The following RNF212 variants were observed in gnomAD, a reference collection of about 807,000 sequenced individuals.
RNF212 encodes ring finger protein 212, also known as probable E3 SUMO-protein ligase RNF212.
In RNF212, 33 loss-of-function variants were observed where a neutral mutation model predicts 34.7. The observed-to-expected ratio is 0.95, with a 90% CI of 0.72 to 1.27. The LOEUF (loss-of-function observed/expected upper bound fraction) is 1.27, where lower values mean the gene tolerates loss of function less well. Ranked by LOEUF, RNF212 falls within the 50% of genes most tolerant of loss-of-function variation. The pLI is 0.00. For synonymous variants in RNF212, 140 were observed against 136.1 expected, an observed-to-expected ratio of 1.03 and a Z score of -0.20; for missense variants, 377 against 362.2, an observed-to-expected ratio of 1.04 and a Z score of -0.33.
chr4:1,092,322 G>A (rs1189636027), intron 3 of RNF212, among the ~76,000 whole-genome samples: 1 of 152,244 alleles, frequency 6.6e-6, no homozygotes, highest in African/African-American at 2.4e-5. Context: ...TGCAGGGAAA[G>A]TCTCCAAGGG....
At chr4:1,097,332 C>T (rs1007315185) in intron 2 of RNF212, among the ~76,000 whole-genome samples, 18 of 152,242 alleles carry the variant, frequency 1.2e-4, no homozygotes, top group Middle Eastern at 3.4e-3. Flanking sequence ...AGGTCGGGAG[C>T]GGTGGCTCAA....
rs1017815424 is a variant in RNF212 at position 1,113,404 on chromosome 4, T to C, written c.61A>G (p.Ser21Gly). 6.2e-7 allele frequency: 1 copy of C among 1,604,786 alleles called. No homozygotes were observed. Among genetic ancestry groups the C allele is most frequent in the Non-Finnish European group, 8.5e-7 (1 of 1,176,876 alleles). Residue 21 changes from serine to glycine, a missense_variant, in exon 1 of 10, where the codon AGC becomes GGC. Coordinates refer to ENST00000433731, the MANE Select transcript of RNF212 (RefSeq NM_001131034.4). Reference sequence around the variant, plus strand: ...TACACGTGCCCGCAGTTGGTGAGGCTGAAGCACGACGTCCTGTGGGGCGGC... The same window carrying C: ...TACACGTGCCCGCAGTTGGTGAGGCCGAAGCACGACGTCCTGTGGGGCGGC... ...FQPPHRTSCF[S>G]LTNCGHVYCD... is the part of the protein sequence containing the mutation.
chr4:1,093,814 C>T (rs1226891198), intron 3 of RNF212: 2 of 1,536,226 alleles, frequency 1.3e-6, no homozygotes, highest in Admixed American at 2.0e-5. Context: ...GAGGTGCGTC[C>T]TGGATGGTGT....
At chr4:1,062,802 A>G (rs1224303186) in intron 3 of RNF212, among the ~76,000 whole-genome samples, 1 of 152,226 alleles carries the variant, frequency 6.6e-6, no homozygotes, top group Non-Finnish European at 1.5e-5. Flanking sequence ...TTTGCCATAT[A>G]CAGAAAACCC....
intron 2 of RNF212, among the ~76,000 whole-genome samples, chr4:1,098,655 A>T (rs1723437773): frequency 6.6e-6 from 1 of 152,182 alleles, no homozygotes; most frequent in Non-Finnish European, 1.5e-5. Context: ...GCCTAAATCC[A>T]GCTCTGCACA....
chr4:1,091,323 C>T (rs1467182337), intron 3 of RNF212, among the ~76,000 whole-genome samples: 1 of 152,172 alleles, frequency 6.6e-6, no homozygotes, highest in Admixed American at 6.5e-5. Flanking sequence ...ACAGGAGCCC[C>T]GGGTTCCATG....
At chr4:1,065,539 C>T (rs6851243) in intron 3 of RNF212, among the ~76,000 whole-genome samples, 1 of 67,828 alleles carries the variant, frequency 1.5e-5, no homozygotes, top group Admixed American at 1.3e-4. Flanking sequence ...ATGATCACTG[C>T]TCACTGCAGC....
intron 5 of RNF212, among the ~76,000 whole-genome samples, chr4:1,083,063 T>C (rs1395305684): frequency 1.3e-5 from 2 of 152,062 alleles, no homozygotes; most frequent in East Asian, 3.9e-4. Context: ...GCAGAGCACA[T>C]GGGAATCCTC....
At chr4:1,112,121 C>T (rs1175823564) in intron 1 of RNF212, among the ~76,000 whole-genome samples, 2 of 152,172 alleles carry the variant, frequency 1.3e-5, no homozygotes, top group Non-Finnish European at 2.9e-5. Flanking sequence ...GTAGGAGAAT[C>T]ACTTGAGCCT....
intron 5 of RNF212, 133 bp from the exon 6 acceptor site, chr4:1,081,752 T>C: frequency 3.0e-6 from 2 of 677,076 alleles, no homozygotes; most frequent in Non-Finnish European, 2.6e-6. Flanking sequence ...GCATTTCACA[T>C]GAATTCAGCA....
At chr4:1,098,432 G>C (rs915419664) in intron 2 of RNF212, among the ~76,000 whole-genome samples, 1 of 152,200 alleles carries the variant, frequency 6.6e-6, no homozygotes, top group African/African-American at 2.4e-5. Flanking sequence ...ATCCACTCCA[G>C]AATCCACTCC....
chr4:1,073,652 G>A lies in RNF212; in HGVS notation c.521C>T (p.Ala174Val), dbSNP rs1718790050. ...CATGGAGATTCTCGCAGGGCCGGCT[G>A]CTATCTCAGACTAAGAATGCAACAA... is the stretch of plus-strand genomic sequence containing the variant. Reference protein sequence around the residue: ...SPSPIRKSEIAAGPARISMIS... With the variant: ...SPSPIRKSEIVAGPARISMIS... The change falls in exon 9 of 10, where the codon GCA becomes GTA. Residue 174 changes from alanine to valine, a missense_variant. Transcript: ENST00000433731. 1 of 1,611,374 alleles carries A rather than the reference G, an allele frequency of 6.2e-7. No homozygotes were observed. Among genetic ancestry groups the A allele is most frequent in the Non-Finnish European group, 8.5e-7 (1 of 1,177,984 alleles).
intron 1 of RNF212, among the ~76,000 whole-genome samples, chr4:1,111,847 A>T (rs1725713069): frequency 6.6e-6 from 1 of 152,228 alleles, no homozygotes; most frequent in African/African-American, 2.4e-5. Flanking sequence ...AGGGCCATGG[A>T]CAGTGGAAAC....
At chr4:1,106,415 C>T (rs1395301084) in intron 2 of RNF212, among the ~76,000 whole-genome samples, 1 of 152,116 alleles carries the variant, frequency 6.6e-6, no homozygotes, top group Non-Finnish European at 1.5e-5. Context: ...CATATTCTCT[C>T]ATCAGAATGC....
chr4:1,101,171 A>G (rs1050857250), intron 2 of RNF212: 6 of 208,308 alleles, frequency 2.9e-5, no homozygotes, highest in Non-Finnish European at 5.1e-5. Context: ...TGCGACCCCT[A>G]GACCCACGGG....
At chr4:1,073,924 A>G (rs1359213753) in intron 8 of RNF212, among the ~76,000 whole-genome samples, 1 of 152,002 alleles carries the variant, frequency 6.6e-6, no homozygotes, top group Non-Finnish European at 1.5e-5. Context: ...GTGAACGGAT[A>G]AAGGGCTCTA....
At position 1,072,493 on chromosome 4, in the gene RNF212, G is replaced by A. The variant is rs534071689; in HGVS notation, c.*381C>T. The A allele has an allele frequency of 4.0e-4, 81 of 202,274 alleles. No individual in the cohort carries two copies. Among genetic ancestry groups the A allele is most frequent in the South Asian group, 3.1e-3 (32 of 10,444 alleles). 12.5% of individuals were successfully genotyped at this position (202,274 alleles called of 1,614,324 possible). On this transcript the variant is annotated 3_prime_UTR_variant, in exon 10 of 10. Coordinates refer to ENST00000433731, the MANE Select transcript of RNF212 (RefSeq NM_001131034.4). ...GATGAGGATGATGGGGGAGCTGTGC[G>A]TGTGTGGAGTCATGGTGTATATGGG...
intron 3 of RNF212, among the ~76,000 whole-genome samples, chr4:1,061,519 G>A (rs775740461): frequency 3.9e-5 from 6 of 152,334 alleles, no homozygotes; most frequent in Non-Finnish European, 7.4e-5. Flanking sequence ...GGGGGATCCA[G>A]CGCGGCCACA....
downstream of RNF212, among the ~76,000 whole-genome samples, chr4:1,067,881 A>AG (rs1279366916): frequency 3.9e-5 from 6 of 152,066 alleles, no homozygotes; most frequent in African/African-American, 1.4e-4. Flanking sequence ...AAAAAAAAAA[A>AG]AAAAGAAATA....
Sources: allele counts gnomAD v4.1 joint callset (sites outside exome capture counted in the v4.1 genomes callset), GRCh38; gene constraint gnomAD v4.1.1; transcripts MANE v1.5; gene names NCBI Gene and HGNC (gene_info 2026-07-23, HGNC 2026-07-21).